Variants in LYRM7 observed in about 807,000 individuals in gnomAD.
LYRM7 encodes the protein complex III assembly factor LYRM7.
Under a neutral mutation model 15.8 loss-of-function variants are expected in LYRM7, and 9 were observed. The ratio of observed to expected loss-of-function variants is 0.57; its 90% confidence interval spans 0.34 to 0.99. LYRM7 has a LOEUF of 0.99. Among genes scored for constraint, LYRM7 ranks in the 50% least tolerant of loss-of-function variants. The probability of loss-of-function intolerance (pLI) is 0.02; values close to 1 mark genes in which losing one functional copy is unlikely to be tolerated. For synonymous variants in LYRM7, 39 were observed against 39.4 expected (o/e 0.99, Z 0.04); for missense variants, 115 against 119.1 (o/e 0.97, Z 0.16).
At chr5:131,192,388 T>C (rs1755901135) in intron 4 of LYRM7, among the ~76,000 whole-genome samples, 2 of 152,154 alleles carry the variant, frequency 1.3e-5, no homozygotes, top group African/African-American at 4.8e-5. Flanking sequence ...ATTAACAATT[T>C]ATTGTATGTT....
chr5:131,197,999 A>G (rs981851735), intron 4 of LYRM7, among the ~76,000 whole-genome samples: 6 of 152,058 alleles, frequency 3.9e-5, no homozygotes, highest in African/African-American at 1.2e-4. Flanking sequence ...AAATGCTAAC[A>G]TTTTACCATA....
At position 131,201,364 on chromosome 5, in the gene LYRM7, A is replaced by C. The variant is rs760874209; in HGVS notation, c.*1763A>C. On this transcript the variant is annotated 3_prime_UTR_variant, in exon 5 of 5. Coordinates refer to ENST00000379380, the MANE Select transcript of LYRM7 (RefSeq NM_181705.4). Reference sequence around the variant, plus strand: ...AAAAGGAAAAAAAAAAGATATATTGATACAGATAGGTAGATATGATATTGT... The same window carrying C: ...AAAAGGAAAAAAAAAAGATATATTGCTACAGATAGGTAGATATGATATTGT... The C allele has an allele frequency of 6.6e-6, 1 of 151,762 alleles. No individual in the cohort carries two copies. The highest frequency in any genetic ancestry group is 1.9e-4 in the East Asian group (1 of 5,174). 9.4% of individuals were successfully genotyped at this position (151,762 alleles called of 1,614,324 possible).
chr5:131,186,860 A>G (rs1167318359), intron 3 of LYRM7, among the ~76,000 whole-genome samples, 168 bp from the exon 4 acceptor site: 1 of 152,226 alleles, frequency 6.6e-6, no homozygotes, highest in Non-Finnish European at 1.5e-5. Context: ...GGAATTTTCT[A>G]TTTAATATTT....
In LYRM7 at chr5:131,202,348, G is replaced by A. The variant is rs553416839; in HGVS notation, c.*2747G>A. 1 of 152,160 alleles carries A rather than the reference G, an allele frequency of 6.6e-6. No homozygotes were observed. Among genetic ancestry groups the A allele is most frequent in the African/African-American group, 2.4e-5 (1 of 41,506 alleles). 9.4% of individuals were successfully genotyped at this position (152,160 alleles called of 1,614,324 possible). A position where few individuals can be genotyped will look rare whatever the true frequency, so the allele number is the denominator to read the frequency against. Reference sequence around the variant, plus strand: ...CATCTCTATTAAAAATGCAAAATTAGCAGGACATGGTGATACACACCTGTA... The same window carrying A: ...CATCTCTATTAAAAATGCAAAATTAACAGGACATGGTGATACACACCTGTA... On this transcript the variant is annotated 3_prime_UTR_variant, in exon 5 of 5. Coordinates refer to ENST00000379380, the MANE Select transcript of LYRM7 (RefSeq NM_181705.4).
At chr5:131,175,193 A>ATC (rs200168965) in intron 1 of LYRM7, among the ~76,000 whole-genome samples, 1,466 of 137,576 alleles carry the variant, frequency 0.011, 15 homozygotes, top group African/African-American at 0.043. Context: ...ACCAGCTTCA[A>ATC]TCTCTTTTTT....
chr5:131,185,796 A>G (rs1352253112), intron 3 of LYRM7, among the ~76,000 whole-genome samples: 2 of 152,130 alleles, frequency 1.3e-5, no homozygotes, highest in Non-Finnish European at 2.9e-5. Flanking sequence ...TTGTCTCAAA[A>G]ACAAAGCAAG....
intron 4 of LYRM7, among the ~76,000 whole-genome samples, chr5:131,191,139 G>A (rs1490229560): frequency 6.6e-6 from 1 of 150,768 alleles, no homozygotes; most frequent in Non-Finnish European, 1.5e-5. Flanking sequence ...CTTAATAATA[G>A]CCTCATTCTT....
At chr5:131,189,332 A>C (rs1755848009) in intron 4 of LYRM7, among the ~76,000 whole-genome samples, 1 of 146,536 alleles carries the variant, frequency 6.8e-6, no homozygotes, top group East Asian at 2.1e-4. Context: ...GGTCCCAGCT[A>C]TTCTGGAGGC....
chr5:131,182,198 C>T lies in LYRM7; in HGVS notation c.92-31C>T, dbSNP rs138726230. Reference sequence around the variant, plus strand: ...AGATAGGAATTATAGATTACAAAAGCGAATAACTATATGTATTTTTCTCTT... The same window carrying T: ...AGATAGGAATTATAGATTACAAAAGTGAATAACTATATGTATTTTTCTCTT... On this transcript the variant is annotated intron_variant, in intron 2 of 4. Coordinates refer to ENST00000379380, the MANE Select transcript of LYRM7 (RefSeq NM_181705.4). The T allele has an allele frequency of 7.8e-5, 107 of 1,368,898 alleles. No individual in the cohort carries two copies. In the South Asian group the frequency reaches 8.5e-4, roughly 11 times the overall value. The allele number at this position is 1,368,898 out of a possible 1,614,324, so 84.8% of individuals were successfully genotyped here. A position where few individuals can be genotyped will look rare whatever the true frequency, so the allele number is the denominator to read the frequency against.
At chr5:131,175,518 GTGTT>G (rs1326740923) in intron 1 of LYRM7, among the ~76,000 whole-genome samples, 1 of 151,282 alleles carries the variant, frequency 6.6e-6, no homozygotes, top group Non-Finnish European at 1.5e-5. Flanking sequence ...TTTTTTGGGT[GTGTT>G]TGTTTGTTTT....
chr5:131,192,937 T>C (rs886535420), intron 4 of LYRM7, among the ~76,000 whole-genome samples: 3 of 152,174 alleles, frequency 2.0e-5, no homozygotes, highest in East Asian at 1.9e-4. Flanking sequence ...GACAAACATA[T>C]ATATTTTCAT....
intron 4 of LYRM7, among the ~76,000 whole-genome samples, chr5:131,190,064 G>A (rs1436499429): frequency 1.3e-5 from 2 of 151,154 alleles, no homozygotes; most frequent in South Asian, 2.1e-4. Flanking sequence ...AGCCTGAGAG[G>A]CGGATATTGC....
chr5:131,181,397 T>TTA (rs57813127), intron 2 of LYRM7, among the ~76,000 whole-genome samples: 13,957 of 99,176 alleles, frequency 0.14, 1,308 homozygotes, highest in African/African-American at 0.28. Flanking sequence ...TACATATATA[T>TTA]TATATATACA....
At chr5:131,196,734 CT>C (rs1403118265) in intron 4 of LYRM7, among the ~76,000 whole-genome samples, 1 of 151,684 alleles carries the variant, frequency 6.6e-6, no homozygotes, top group Non-Finnish European at 1.5e-5. Flanking sequence ...GTGGCACGAT[CT>C]CGGCTCACTG....
intron 1 of LYRM7, among the ~76,000 whole-genome samples, chr5:131,175,660 G>A (rs762716852): frequency 4.0e-5 from 6 of 151,360 alleles, no homozygotes; most frequent in East Asian, 1.9e-4. Context: ...TCAGCCTCCC[G>A]AGTAGCTAGG....
intron 4 of LYRM7, among the ~76,000 whole-genome samples, chr5:131,195,495 A>G (rs893788827): frequency 6.6e-6 from 1 of 152,194 alleles, no homozygotes; most frequent in African/African-American, 2.4e-5. Flanking sequence ...AAGCAGGGAA[A>G]TTCTGAGCTG....
chr5:131,191,721 A>G (rs1343863951), intron 4 of LYRM7, among the ~76,000 whole-genome samples: 5 of 152,196 alleles, frequency 3.3e-5, no homozygotes, highest in South Asian at 2.1e-4. Flanking sequence ...GAGAATGACT[A>G]TTGTCAAAAA....
chr5:131,173,260 C>A (rs1184228490), intron 1 of LYRM7, among the ~76,000 whole-genome samples: 1 of 152,224 alleles, frequency 6.6e-6, no homozygotes, highest in African/African-American at 2.4e-5. Context: ...TTACTCAATT[C>A]CAAAGCCACT....
intron 4 of LYRM7, among the ~76,000 whole-genome samples, chr5:131,190,954 A>C (rs1443754391): frequency 6.6e-6 from 1 of 152,064 alleles, no homozygotes; most frequent in African/African-American, 2.4e-5. Context: ...CATATGAATA[A>C]AGTTTTAGGT....
Sources: gnomAD v4.1 joint callset for allele counts (sites outside exome capture counted in the v4.1 genomes callset) on GRCh38, gnomAD v4.1.1 for gene constraint, MANE v1.5 for transcripts, NCBI Gene and HGNC (gene_info 2026-07-23, HGNC 2026-07-21) for gene names.